Variants in FAAH2 observed in about 807,000 individuals in gnomAD.
The protein encoded by FAAH2 is fatty-acid amide hydrolase 2.
A neutral mutation model predicts 36.9 loss-of-function variants in FAAH2; 60 were observed. That is an observed-to-expected ratio of 1.63 (90% CI 1.32 to 2.02). FAAH2 has a LOEUF of 2.02. FAAH2 is among the 30% of genes most tolerant of loss of function. FAAH2 has a pLI of 0.00. For synonymous variants in FAAH2, 214 were observed against 143.8 expected, an observed-to-expected ratio of 1.49 and a Z score of -3.49; for missense variants, 689 against 397.5, an observed-to-expected ratio of 1.73 and a Z score of -6.23.
At chrX:57,189,965 C>A in the FAAH2 span, among the ~76,000 whole-genome samples, 7 of 112,312 alleles carry the variant, frequency 6.2e-5, no homozygotes, top group South Asian at 2.6e-3. Flanking sequence ...TCAGAGCTAG[C>A]ATGCAGGAAA....
chrX:57,435,927 A>G (rs2056401032), intron 8 of FAAH2, among the ~76,000 whole-genome samples: 1 of 111,574 alleles, frequency 9.0e-6, no homozygotes, highest in African/African-American at 3.2e-5. Flanking sequence ...ATTCTCCAAG[A>G]TAGACCATGT....
rs1369039060 is a variant in FAAH2 at position 57,289,717 on chromosome X, G to T, written c.192+2700G>T. ...AGTAATAAAAAATAAGTATGAAGTTGATCTAAAGGAACAGATACGTAAATA... is the reference window on the plus strand; with the variant it reads ...AGTAATAAAAAATAAGTATGAAGTTTATCTAAAGGAACAGATACGTAAATA... On this transcript the variant is annotated intron_variant, in intron 1 of 10. Transcript: ENST00000374900. Among the ~76,000 whole-genome samples, 3 of 111,330 alleles carry T rather than the reference G, an allele frequency of 2.7e-5. No individual in the cohort carries two copies. In the Admixed American group the frequency reaches 2.9e-4, roughly 11 times the overall value.
the FAAH2 span, among the ~76,000 whole-genome samples, chrX:57,127,848 TA>T: frequency 1.1e-4 from 12 of 111,866 alleles, no homozygotes; most frequent in Non-Finnish European, 1.9e-4. Flanking sequence ...CAACAATATA[TA>T]AATATAAACG....
At chrX:57,353,454 A>G (rs190363924) in intron 5 of FAAH2, among the ~76,000 whole-genome samples, 3 of 102,427 alleles carry the variant, frequency 2.9e-5, no homozygotes, top group Non-Finnish European at 6.0e-5. Context: ...ACTCAAAATT[A>G]ATTAAAAACC....
chrX:57,357,489 G>GA (rs1371010136), intron 5 of FAAH2, among the ~76,000 whole-genome samples: 1 of 111,155 alleles, frequency 9.0e-6, no homozygotes, highest in African/African-American at 3.3e-5. Context: ...AAATTTACAA[G>GA]AAAAAAACAA....
At chrX:57,282,067 T>A (rs2051760183), upstream of FAAH2, among the ~76,000 whole-genome samples, 2 of 112,262 alleles carry the variant, frequency 1.8e-5, no homozygotes, top group Admixed American at 1.9e-4. Context: ...CAATTTATAT[T>A]CCTTTGTGTG....
At chrX:57,281,387 C>G in the FAAH2 span, among the ~76,000 whole-genome samples, 9 of 111,317 alleles carry the variant, frequency 8.1e-5, no homozygotes, top group Non-Finnish European at 1.7e-4. Flanking sequence ...TAAGACACAC[C>G]CACTTTTGCC....
the FAAH2 span, among the ~76,000 whole-genome samples, chrX:57,176,148 A>G: frequency 1.8e-5 from 2 of 111,927 alleles, no homozygotes; most frequent in East Asian, 2.8e-4. Flanking sequence ...TTTTCCCTCA[A>G]TTATTCCCTC....
chrX:57,398,324 C>G lies in FAAH2; in HGVS notation c.996+17295C>G, dbSNP rs192224632. On this transcript the variant is annotated intron_variant, in intron 7 of 10. Transcript: ENST00000374900. ...ACTTGGATAATCAAATAATTATAAG[C>G]CTTGATGATATTAATCTTCTGTAAT... Among the ~76,000 whole-genome samples, 396 of 111,857 alleles carry G rather than the reference C, an allele frequency of 3.5e-3. 1 individual carries two copies. The highest frequency in any genetic ancestry group is 0.012 in the African/African-American group (381 of 30,789).
chrX:57,163,150 G>A, the FAAH2 span, among the ~76,000 whole-genome samples: 1 of 112,001 alleles, frequency 8.9e-6, no homozygotes, highest in Admixed American at 9.4e-5. Context: ...CCTGCTGGGG[G>A]GTGACTCCCA....
the FAAH2 span, among the ~76,000 whole-genome samples, chrX:57,157,366 C>A: frequency 8.9e-6 from 1 of 111,904 alleles, no homozygotes; most frequent in African/African-American, 3.2e-5. Flanking sequence ...TTTAGTCAGG[C>A]AATGGCAAAT....
At chrX:57,195,447 C>T in the FAAH2 span, among the ~76,000 whole-genome samples, 101 of 111,035 alleles carry the variant, frequency 9.1e-4, no homozygotes, top group Non-Finnish European at 1.5e-3. Flanking sequence ...CACTTTTTGA[C>T]GGGATTATTT....
chrX:57,319,156 G>C (rs1328669781), intron 3 of FAAH2, among the ~76,000 whole-genome samples: 1 of 111,663 alleles, frequency 9.0e-6, no homozygotes, highest in Non-Finnish European at 1.9e-5. Flanking sequence ...ACATAGTATT[G>C]GAAGTTCTGG....
At chrX:57,430,972 A>G (rs760155780) in intron 7 of FAAH2, among the ~76,000 whole-genome samples, 2 of 111,765 alleles carry the variant, frequency 1.8e-5, no homozygotes, top group South Asian at 7.6e-4. Context: ...TCAAGGCAGG[A>G]CTGGAATTTC....
the FAAH2 span, among the ~76,000 whole-genome samples, chrX:57,125,927 C>T: frequency 9.0e-6 from 1 of 111,464 alleles, no homozygotes; most frequent in Non-Finnish European, 1.9e-5. Context: ...ACCTACATTT[C>T]CATCAGCAGT....
At chrX:57,356,103 T>G (rs190037164) in intron 5 of FAAH2, among the ~76,000 whole-genome samples, 2 of 110,981 alleles carry the variant, frequency 1.8e-5, no homozygotes, top group African/African-American at 6.5e-5. Flanking sequence ...TTTAGGACAA[T>G]TGTTTCATTC....
At chrX:57,468,788 C>T (rs924928383) in intron 10 of FAAH2, among the ~76,000 whole-genome samples, 4 of 111,241 alleles carry the variant, frequency 3.6e-5, no homozygotes, top group Non-Finnish European at 7.5e-5. Context: ...CTCCAAGACA[C>T]ATAATTGTCA....
At position 57,394,575 on chromosome X, in the gene FAAH2, C is replaced by T. The variant is rs2055247302; in HGVS notation, c.996+13546C>T. 2.5e-6 allele frequency: 3 copies of T among 1,202,618 alleles called. No homozygotes were observed. The South Asian group carries it at 5.3e-5, about 21-fold the overall frequency. ...TTAAATTTCTCCAGGAAACGCTTGG[C>T]ACTCTCTACAGTGCTCTGCATGAGC... is the stretch of plus-strand genomic sequence containing the variant. On this transcript the variant is annotated intron_variant, in intron 7 of 10. Transcript: ENST00000374900.
the FAAH2 span, among the ~76,000 whole-genome samples, chrX:57,177,955 C>G: frequency 1.8e-5 from 2 of 110,858 alleles, no homozygotes; most frequent in African/African-American, 6.6e-5. Flanking sequence ...TCCCCATTTC[C>G]CCTTCCCCTA....
Sources: allele counts gnomAD v4.1 joint callset (sites outside exome capture counted in the v4.1 genomes callset), GRCh38; gene constraint gnomAD v4.1.1; transcripts MANE v1.5; gene names NCBI Gene and HGNC (gene_info 2026-07-23, HGNC 2026-07-21).